LPP: variants seen among roughly 807,000 people sequenced by gnomAD.
LPP encodes the protein LIM domain containing preferred translocation partner in lipoma, also known as lipoma-preferred partner.
In LPP, 38 loss-of-function variants were observed where a neutral mutation model predicts 60.4. That is an observed-to-expected ratio of 0.63 (90% CI 0.49 to 0.83). The LOEUF (loss-of-function observed/expected upper bound fraction) is 0.83, where lower values mean the gene tolerates loss of function less well. LPP is among the 40% of genes least tolerant of loss of function. LPP has a pLI of 0.00. For missense variants in LPP, 902 were observed against 783.6 expected (o/e 1.15, Z -1.80); for synonymous variants, 328 against 290.8 (o/e 1.13, Z -1.30).
chr3:188,837,872 C>T (rs1277600628), intron 9 of LPP, among the ~76,000 whole-genome samples: 1 of 152,074 alleles, frequency 6.6e-6, no homozygotes, highest in Non-Finnish European at 1.5e-5. Flanking sequence ...TTTATAAGAT[C>T]TGGGTCTGAA....
At chr3:188,156,027 A>C (rs187771197) in intron 1 of LPP, among the ~76,000 whole-genome samples, 39 of 152,178 alleles carry the variant, frequency 2.6e-4, no homozygotes, top group African/African-American at 5.1e-4. Context: ...AAAAAACAAA[A>C]AACAACAACA....
chr3:188,555,679 G>C (rs781440662), intron 6 of LPP, among the ~76,000 whole-genome samples: 3 of 152,044 alleles, frequency 2.0e-5, no homozygotes, highest in South Asian at 2.1e-4. Context: ...GATTAATTTT[G>C]CTTCTGTTTT....
intron 9 of LPP, among the ~76,000 whole-genome samples, chr3:188,770,168 C>CT (rs57278260): frequency 0.14 from 8,864 of 64,598 alleles, 1,538 homozygotes; most frequent in Non-Finnish European, 0.18. Context: ...AGTTATAATT[C>CT]TTTTTTTTTT....
At chr3:188,613,690 C>A (rs1164872075) in intron 7 of LPP, among the ~76,000 whole-genome samples, 1 of 151,922 alleles carries the variant, frequency 6.6e-6, no homozygotes, top group Non-Finnish European at 1.5e-5. Context: ...AAAAGTTTTT[C>A]TTTTCCAGAA....
At chr3:188,427,026 T>C (rs1391074228) in intron 4 of LPP, among the ~76,000 whole-genome samples, 2 of 152,210 alleles carry the variant, frequency 1.3e-5, no homozygotes, top group African/African-American at 4.8e-5. Context: ...TGTTAGTTGA[T>C]GCAGTTTCTT....
intron 6 of LPP, among the ~76,000 whole-genome samples, chr3:188,578,683 C>G (rs1027118027): frequency 6.6e-6 from 1 of 151,740 alleles, no homozygotes; most frequent in Admixed American, 6.6e-5. Context: ...TTAGTACTTG[C>G]TAGCTGAGAC....
chr3:188,779,524 C>A (rs957356359), intron 9 of LPP, among the ~76,000 whole-genome samples: 1 of 151,714 alleles, frequency 6.6e-6, no homozygotes, highest in Non-Finnish European at 1.5e-5. Flanking sequence ...CAAGTAACCA[C>A]GTGAGCAGTT....
At chr3:188,374,498 G>A (rs909828749) in intron 3 of LPP, among the ~76,000 whole-genome samples, 4 of 151,984 alleles carry the variant, frequency 2.6e-5, no homozygotes, top group African/African-American at 9.7e-5. Flanking sequence ...CTCATGATTT[G>A]GCTCTCTGTT....
chr3:188,642,208 A>G (rs557441516), intron 7 of LPP, among the ~76,000 whole-genome samples: 31 of 152,222 alleles, frequency 2.0e-4, no homozygotes, highest in African/African-American at 7.2e-4. Context: ...CTTCTCACTG[A>G]GCTAAGAAAT....
intron 3 of LPP, among the ~76,000 whole-genome samples, chr3:188,391,745 A>C (rs1004915772): frequency 6.6e-6 from 1 of 152,016 alleles, no homozygotes; most frequent in African/African-American, 2.4e-5. Context: ...ATCAAAAGCC[A>C]TAGTCAGAAT....
At chr3:188,363,945 C>T (rs1770344402) in intron 3 of LPP, among the ~76,000 whole-genome samples, 1 of 150,392 alleles carries the variant, frequency 6.6e-6, no homozygotes, top group South Asian at 2.1e-4. Flanking sequence ...GTACTTGTTC[C>T]TTTGGGCAAG....
chr3:188,155,803 C>T (rs1258864158), intron 1 of LPP, among the ~76,000 whole-genome samples: 2 of 152,098 alleles, frequency 1.3e-5, no homozygotes, highest in African/African-American at 4.8e-5. Context: ...TGCCTGAGCT[C>T]AGGAGTTAGA....
chr3:188,167,818 C>T (rs552768627), intron 1 of LPP, among the ~76,000 whole-genome samples: 9 of 152,310 alleles, frequency 5.9e-5, no homozygotes, highest in Non-Finnish European at 8.8e-5. Context: ...TATTGACTTG[C>T]ACAGTCATTA....
intron 6 of LPP, among the ~76,000 whole-genome samples, chr3:188,605,810 A>G (rs1318247685): frequency 6.6e-6 from 1 of 152,178 alleles, no homozygotes; most frequent in Non-Finnish European, 1.5e-5. Context: ...CTGGTAAACT[A>G]GGTTGATCCA....
chr3:188,672,594 A>G (rs1186741502), intron 7 of LPP, among the ~76,000 whole-genome samples: 1 of 151,964 alleles, frequency 6.6e-6, no homozygotes, highest in African/African-American at 2.4e-5. Flanking sequence ...TTTTGTTTCT[A>G]TTTGCTGCTA....
At chr3:188,438,986 T>C (rs1455072084) in intron 4 of LPP, among the ~76,000 whole-genome samples, 1 of 152,202 alleles carries the variant, frequency 6.6e-6, no homozygotes, top group Admixed American at 6.5e-5. Flanking sequence ...CAACTGTAGT[T>C]AGTGCAGAGT....
chr3:188,521,578 G>T (rs73194421), intron 5 of LPP, among the ~76,000 whole-genome samples: 2,020 of 152,088 alleles, frequency 0.013, 19 homozygotes, highest in Middle Eastern at 0.041. Flanking sequence ...TCAAGAAGAA[G>T]AATAATTAAC....
At chr3:188,288,179 A>G (rs1415382123) in intron 2 of LPP, among the ~76,000 whole-genome samples, 2 of 152,226 alleles carry the variant, frequency 1.3e-5, no homozygotes, top group East Asian at 1.9e-4. Flanking sequence ...ATTAGAAAGC[A>G]TTGCCTCTTT....
chr3:188,230,227 A>G (rs554661056), intron 2 of LPP, among the ~76,000 whole-genome samples: 25 of 152,168 alleles, frequency 1.6e-4, no homozygotes, highest in African/African-American at 5.8e-4. Context: ...CTGGGACTAC[A>G]GGTGCGTGCC....
Sources: gnomAD v4.1 joint callset for allele counts (sites outside exome capture counted in the v4.1 genomes callset) on GRCh38, gnomAD v4.1.1 for gene constraint, MANE v1.5 for transcripts, NCBI Gene and HGNC (gene_info 2026-07-23, HGNC 2026-07-21) for gene names.